Variants in PTPRN2 observed in about 807,000 individuals in gnomAD.
The protein encoded by PTPRN2 is receptor-type tyrosine-protein phosphatase N2.
A neutral mutation model predicts 118.8 loss-of-function variants in PTPRN2; 74 were observed. The observed-to-expected ratio is 0.62, with a 90% CI of 0.52 to 0.76. The LOEUF (loss-of-function observed/expected upper bound fraction) is 0.76. PTPRN2 is among the 30% of genes least tolerant of loss of function. PTPRN2 has a pLI of 0.00. For missense variants in PTPRN2, 1,481 were observed against 1,394.4 expected (o/e 1.06, Z -0.99); for synonymous variants, 641 against 608.0 (o/e 1.05, Z -0.80).
intron 3 of PTPRN2, among the ~76,000 whole-genome samples, chr7:158,230,157 G>T (rs75724436): frequency 7.9e-5 from 12 of 152,204 alleles, no homozygotes; most frequent in African/African-American, 2.9e-4. Flanking sequence ...ATCCAGCAAA[G>T]CATTCCTTCA....
chr7:157,747,361 C>T (rs1166034803), intron 12 of PTPRN2, among the ~76,000 whole-genome samples: 51 of 139,642 alleles, frequency 3.7e-4, no homozygotes, highest in East Asian at 9.5e-4. Context: ...CCGGGTGATT[C>T]TGAGGCCTGC....
intron 3 of PTPRN2, among the ~76,000 whole-genome samples, chr7:158,224,292 A>G (rs962995002): frequency 6.6e-6 from 1 of 152,194 alleles, no homozygotes; most frequent in Non-Finnish European, 1.5e-5. Context: ...GAGTAGCTAA[A>G]ACAATTTGGG....
chr7:158,345,678 A>C (rs1330801618), intron 2 of PTPRN2, among the ~76,000 whole-genome samples: 1 of 152,250 alleles, frequency 6.6e-6, no homozygotes, highest in Non-Finnish European at 1.5e-5. Flanking sequence ...CACACATTTT[A>C]TAATTTACAA....
In PTPRN2 at chr7:157,779,895, C is replaced by T. The variant is rs569055005; in HGVS notation, c.1789-96958G>A. On this transcript the variant is annotated intron_variant, in intron 12 of 22. Coordinates refer to ENST00000389418, the MANE Select transcript of PTPRN2 (RefSeq NM_002847.5). This position sits in a 1 kb window ranked among gnomAD's most constrained non-coding sequence, Gnocchi z 4.7. ...GCTGGGACGCCACTGATACCATCGACGTACAACACGCCGCAAGCAGCCCTC... is the reference window on the plus strand; with the variant it reads ...GCTGGGACGCCACTGATACCATCGATGTACAACACGCCGCAAGCAGCCCTC... Among the ~76,000 whole-genome samples, 10 of 152,236 alleles carry T rather than the reference C, an allele frequency of 6.6e-5. No individual in the cohort carries two copies. In the East Asian group the frequency reaches 1.2e-3, roughly 18 times the overall value.
chr7:158,466,430 C>T (rs1328014451), intron 2 of PTPRN2, among the ~76,000 whole-genome samples: 1 of 152,074 alleles, frequency 6.6e-6, no homozygotes, highest in Non-Finnish European at 1.5e-5. Flanking sequence ...CCTTTCTGTG[C>T]CTGGCTTATT....
At chr7:158,425,536 A>G (rs113175815) in intron 2 of PTPRN2, among the ~76,000 whole-genome samples, 3 of 92,742 alleles carry the variant, frequency 3.2e-5, no homozygotes, top group Non-Finnish European at 4.1e-5. Context: ...AGCCTAGCTG[A>G]GGCCTGCGCA....
intron 12 of PTPRN2, among the ~76,000 whole-genome samples, chr7:157,826,885 C>T (rs970708800): frequency 6.6e-6 from 1 of 152,132 alleles, no homozygotes; most frequent in African/African-American, 2.4e-5. Flanking sequence ...CACGGGGCAG[C>T]GAATTCATCT....
chr7:158,369,766 G>C (rs886424801), intron 2 of PTPRN2, among the ~76,000 whole-genome samples: 9 of 152,174 alleles, frequency 5.9e-5, no homozygotes, highest in African/African-American at 2.2e-4. Context: ...TGAAGGTACA[G>C]GAAAATAAAT....
chr7:157,560,797 A>G lies in PTPRN2; in HGVS notation c.2902+8105T>C. Among the ~76,000 whole-genome samples, 1 of 152,150 alleles carries G rather than the reference A, an allele frequency of 6.6e-6. No homozygotes were observed. Among genetic ancestry groups the G allele is most frequent in the East Asian group, 1.9e-4 (1 of 5,186 alleles). Reference sequence around the variant, plus strand: ...GCGAGACAAGAGACACTGCGGGCCCAACGTGTCTGTGAGGTCCCTTTCCCA... The same window carrying G: ...GCGAGACAAGAGACACTGCGGGCCCGACGTGTCTGTGAGGTCCCTTTCCCA... On this transcript the variant is annotated intron_variant, in intron 21 of 22. Coordinates refer to ENST00000389418, the MANE Select transcript of PTPRN2 (RefSeq NM_002847.5). The surrounding 1 kb of genome is among the most constrained non-coding windows in gnomAD (Gnocchi z 6.7).
In PTPRN2 at chr7:157,690,739, A is replaced by G. The variant is rs1029326552; in HGVS notation, c.1789-7802T>C. Reference sequence around the variant, plus strand: ...GACCACAAACTTCTAGGGCGGCCGGAGGAGACAAAGGTGCCGCGCGTCGCT... The same window carrying G: ...GACCACAAACTTCTAGGGCGGCCGGGGGAGACAAAGGTGCCGCGCGTCGCT... On this transcript the variant is annotated intron_variant, in intron 12 of 22. Coordinates refer to ENST00000389418, the MANE Select transcript of PTPRN2 (RefSeq NM_002847.5). The surrounding 1 kb of genome is among the most constrained non-coding windows in gnomAD (Gnocchi z 7.1). Among the ~76,000 whole-genome samples, 27 of 151,284 alleles carry G rather than the reference A, an allele frequency of 1.8e-4. No individual in the cohort carries two copies. Among genetic ancestry groups the G allele is most frequent in the Admixed American group, 5.9e-4 (9 of 15,204 alleles).
intron 2 of PTPRN2, among the ~76,000 whole-genome samples, chr7:158,393,411 G>A (rs1428828707): frequency 3.3e-5 from 5 of 152,284 alleles, no homozygotes; most frequent in Non-Finnish European, 5.9e-5. Context: ...TCTGGGAGAC[G>A]CCTTGCAGGA....
At chr7:157,857,105 T>C (rs1005494686) in intron 12 of PTPRN2, among the ~76,000 whole-genome samples, 13 of 145,786 alleles carry the variant, frequency 8.9e-5, no homozygotes, top group African/African-American at 3.0e-4. Flanking sequence ...GCCATCGGCA[T>C]TGCTGGTGGA....
At chr7:158,009,002 G>T (rs1015392870) in intron 11 of PTPRN2, among the ~76,000 whole-genome samples, 1 of 151,844 alleles carries the variant, frequency 6.6e-6, no homozygotes, top group African/African-American at 2.4e-5. Context: ...CTAGCTCCCC[G>T]CACTCCCTGC....
chr7:158,057,889 C>A (rs1216261794), intron 11 of PTPRN2, among the ~76,000 whole-genome samples: 2 of 152,220 alleles, frequency 1.3e-5, no homozygotes, highest in Non-Finnish European at 2.9e-5. Flanking sequence ...GAGTTAAAGT[C>A]CTCAGGTCTA....
chr7:158,167,258 A>T lies in PTPRN2; in HGVS notation c.583T>A (p.Tyr195Asn), dbSNP rs1273374158. 6.2e-7 allele frequency: 1 copy of T among 1,609,950 alleles called. No individual in the cohort carries two copies. The highest frequency in any genetic ancestry group is 8.5e-7 in the Non-Finnish European group (1 of 1,178,156). Reference protein sequence around the residue: ...DDRFSESILTYVAHTSALTYP... With the variant: ...DDRFSESILTNVAHTSALTYP... The stretch of plus-strand genomic sequence containing the variant: ...GTCAGCGCAGACGTGTGGGCCACAT[A>T]GGTCAGGATGCTCTCGGAGAAGCGG... The change falls in exon 6 of 23, where the codon TAT becomes AAT. Residue 195 changes from tyrosine (Y) to asparagine (N), a missense_variant. By Grantham distance (143) the Tyr-to-Asn change is moderately radical. Coordinates refer to ENST00000389418, the MANE Select transcript of PTPRN2 (RefSeq NM_002847.5).
intron 5 of PTPRN2, among the ~76,000 whole-genome samples, chr7:158,184,493 C>T (rs1167997546): frequency 1.3e-5 from 2 of 152,256 alleles, no homozygotes; most frequent in East Asian, 3.9e-4. Context: ...TCTGTAGGTT[C>T]CACCAAATTT....
chr7:157,561,221 G>A lies in PTPRN2; in HGVS notation c.2902+7681C>T, dbSNP rs549315718. 5.9e-5 allele frequency among the ~76,000 whole-genome samples: 9 copies of A among 151,886 alleles called. No individual in the cohort carries two copies. The East Asian group carries it at 9.7e-4, about 16-fold the overall frequency. ...CAGCCATGCCATCCCTTCGGCCCCC[G>A]GGTCCTGTACTGCCCGGCCGGTCTC... On this transcript the variant is annotated intron_variant, in intron 21 of 22. Coordinates refer to ENST00000389418, the MANE Select transcript of PTPRN2 (RefSeq NM_002847.5).
chr7:158,327,130 TACAC>T (rs1409974931), intron 2 of PTPRN2, among the ~76,000 whole-genome samples: 869 of 62,392 alleles, frequency 0.014, 7 homozygotes, highest in Non-Finnish European at 0.015. Flanking sequence ...AGCACACACA[TACAC>T]ACTCATATCC....
intron 12 of PTPRN2, among the ~76,000 whole-genome samples, chr7:157,788,154 T>C (rs1804193120): frequency 6.6e-6 from 1 of 152,026 alleles, no homozygotes; most frequent in South Asian, 2.1e-4. Context: ...GGCGGGCGGA[T>C]CACGAGGTCA....
Sources: gnomAD v4.1 joint callset for allele counts (sites outside exome capture counted in the v4.1 genomes callset) on GRCh38, gnomAD v4.1.1 for gene constraint, Gnocchi (gnomAD v3.1) non-coding constraint, MANE v1.5 for transcripts, NCBI Gene and HGNC (gene_info 2026-07-23, HGNC 2026-07-21) for gene names.